The following COL5A2 variants were observed in gnomAD, a reference collection of about 807,000 sequenced individuals.
COL5A2 encodes collagen alpha-2(V) chain.
Under a neutral mutation model 208.2 loss-of-function variants are expected in COL5A2, and 23 were observed. That is an observed-to-expected ratio of 0.11 (90% CI 0.08 to 0.16). The LOEUF is 0.16. Among genes scored for constraint, COL5A2 ranks in the 10% least tolerant of loss-of-function variants. The probability of loss-of-function intolerance (pLI) is 1.00; values close to 1 mark genes in which losing one functional copy is unlikely to be tolerated. For missense variants in COL5A2, 1,590 were observed against 1,956.4 expected (o/e 0.81, Z 3.53); for synonymous variants, 625 against 628.5 (o/e 0.99, Z 0.08).
At chr2:189,036,175 GGCAAAACTGAGTC>G in intron 52 of COL5A2, among the ~76,000 whole-genome samples, 1 of 151,966 alleles carries the variant, frequency 6.6e-6, no homozygotes, top group African/African-American at 2.4e-5. Flanking sequence ...ACTTTAAACT[GGCAAAACTGAGTC>G]TCCAAAAAGT....
chr2:189,386,054 C>G, the COL5A2 span, among the ~76,000 whole-genome samples: 1 of 152,058 alleles, frequency 6.6e-6, no homozygotes. Context: ...ATAAAATAAT[C>G]AGATCCCATG....
chr2:189,068,949 A>G, intron 18 of COL5A2, 65 bp from the exon 19 acceptor site: 1 of 1,155,372 alleles, frequency 8.7e-7, no homozygotes, highest in South Asian at 1.3e-5. Context: ...TACAAAGTTG[A>G]CCGCTTATTT....
At chr2:189,327,032 C>T in the COL5A2 span, among the ~76,000 whole-genome samples, 1 of 150,026 alleles carries the variant, frequency 6.7e-6, no homozygotes, top group Admixed American at 6.6e-5. Context: ...GATCATGCCA[C>T]TGCACTCCAG....
chr2:189,127,194 G>C (rs922006853), intron 1 of COL5A2, among the ~76,000 whole-genome samples: 1 of 151,702 alleles, frequency 6.6e-6, no homozygotes, highest in Non-Finnish European at 1.5e-5. Flanking sequence ...AAAGAGAAGA[G>C]ACAAAAAAAA....
the COL5A2 span, among the ~76,000 whole-genome samples, chr2:189,400,285 TTTC>T: frequency 2.0e-5 from 3 of 152,222 alleles, no homozygotes; most frequent in African/African-American, 7.2e-5. Flanking sequence ...CGCTATTCTC[TTTC>T]TTCTTCTGGA....
chr2:189,234,195 A>C, the COL5A2 span, among the ~76,000 whole-genome samples: 1 of 151,768 alleles, frequency 6.6e-6, no homozygotes, highest in Non-Finnish European at 1.5e-5. Flanking sequence ...CCTCCTAAGT[A>C]AATTGCAAAC....
intron 1 of COL5A2, among the ~76,000 whole-genome samples, chr2:189,112,760 G>A (rs1034906192): frequency 1.1e-4 from 17 of 152,098 alleles, no homozygotes; most frequent in Non-Finnish European, 1.9e-4. Context: ...TAGAAATTAT[G>A]TTTTAATATG....
the COL5A2 span, among the ~76,000 whole-genome samples, chr2:189,347,973 A>C: frequency 6.6e-6 from 1 of 152,290 alleles, no homozygotes; most frequent in East Asian, 1.9e-4. Context: ...TTCAGTGAAA[A>C]GAAGGATTAA....
At chr2:189,261,150 T>TA in the COL5A2 span, among the ~76,000 whole-genome samples, 6 of 152,148 alleles carry the variant, frequency 3.9e-5, no homozygotes, top group Non-Finnish European at 7.4e-5. Flanking sequence ...ACAATCAATA[T>TA]AATCATGCGG....
chr2:189,037,422 T>C (rs765272796), intron 51 of COL5A2, among the ~76,000 whole-genome samples: 33 of 152,214 alleles, frequency 2.2e-4, no homozygotes, highest in Non-Finnish European at 3.8e-4. Context: ...GTGTATATTA[T>C]ATAAATAGTA....
At chr2:189,107,665 A>AT (rs1356542200) in intron 2 of COL5A2, among the ~76,000 whole-genome samples, 1 of 151,420 alleles carries the variant, frequency 6.6e-6, no homozygotes, top group African/African-American at 2.4e-5. Flanking sequence ...TAGAACTATG[A>AT]TTTTTTGTTA....
chr2:189,190,248 C>A (rs1446234268), intron 1 of COL5A2, among the ~76,000 whole-genome samples: 2 of 152,130 alleles, frequency 1.3e-5, no homozygotes, highest in African/African-American at 4.8e-5. Flanking sequence ...ACCTGGATTT[C>A]ATTTTGTTGT....
chr2:189,349,648 G>A, the COL5A2 span, among the ~76,000 whole-genome samples: 5 of 152,112 alleles, frequency 3.3e-5, no homozygotes, highest in African/African-American at 1.2e-4. Flanking sequence ...TTTAGGTTAT[G>A]TTGTTTATGT....
Position 189,050,679 on chromosome 2 carries a change from A to C in COL5A2, c.2932-3T>G. 1 of 1,550,470 alleles carries C rather than the reference A, an allele frequency of 6.4e-7. No individual in the cohort carries two copies. The highest frequency in any genetic ancestry group is 8.7e-7 in the Non-Finnish European group (1 of 1,146,058). ...GGACCAGGGGGGCCATCTGGACCCTAATGTTGAGGACAAACTAAAATCAGA... is the reference window on the plus strand; with the variant it reads ...GGACCAGGGGGGCCATCTGGACCCTCATGTTGAGGACAAACTAAAATCAGA... On this transcript the variant is annotated splice_polypyrimidine_tract_variant and splice_region_variant and intron_variant, in intron 42 of 53. Transcript: ENST00000374866.
Position 189,068,775 on chromosome 2 carries a change from T to A in COL5A2, c.1257+11A>T. 6 of 1,595,352 alleles carry A rather than the reference T, an allele frequency of 3.8e-6. No individual in the cohort carries two copies. The highest frequency in any genetic ancestry group is 5.2e-6 in the Non-Finnish European group (6 of 1,163,236). On this transcript the variant is annotated intron_variant, in intron 19 of 53. Transcript: ENST00000374866. ...TTTCTGGGCTGGTTCTTAAATATGC[T>A]AGAAACTTACAGGAAGACCTGGAGA...
chr2:189,032,967 C>T lies in COL5A2; in HGVS notation c.*1103G>A, dbSNP rs185683558. ...ACAGAAGCATAGCACCTTTCAGTAT[C>T]TAAAATATAAACAAGAATAGTAAGT... is the stretch of plus-strand genomic sequence containing the variant. On this transcript the variant is annotated 3_prime_UTR_variant, in exon 54 of 54. Coordinates refer to ENST00000374866, the MANE Select transcript of COL5A2 (RefSeq NM_000393.5). 6.5e-5 allele frequency: 10 copies of T among 152,696 alleles called. No homozygotes were observed. Among genetic ancestry groups the T allele is most frequent in the Non-Finnish European group, 1.3e-4 (9 of 68,004 alleles). 9.5% of individuals were successfully genotyped at this position (152,696 alleles called of 1,614,324 possible).
Position 189,097,372 on chromosome 2 carries a change from T to C in COL5A2, c.403-42A>G, listed in dbSNP as rs73051214. On this transcript the variant is annotated intron_variant, in intron 5 of 53. Coordinates refer to ENST00000374866, the MANE Select transcript of COL5A2 (RefSeq NM_000393.5). The stretch of plus-strand genomic sequence containing the variant: ...TGATTATGCATGCAAAAATGTATAC[T>C]TTCTTATTGAATTTTTAAAAGTCTA... 52,498 of 1,597,422 alleles carry C rather than the reference T, an allele frequency of 0.033. 1,164 individuals carry two copies. Among genetic ancestry groups the C allele is most frequent in the East Asian group, 0.086 (3,872 of 44,764 alleles).
chr2:189,213,039 T>C (rs1416833179), intron 1 of COL5A2, among the ~76,000 whole-genome samples: 2 of 151,754 alleles, frequency 1.3e-5, no homozygotes, highest in Admixed American at 6.6e-5. Context: ...CAGGCGCATG[T>C]CACCATGACT....
At chr2:189,204,157 A>G (rs1005990802) in intron 1 of COL5A2, among the ~76,000 whole-genome samples, 1 of 152,160 alleles carries the variant, frequency 6.6e-6, no homozygotes, top group African/African-American at 2.4e-5. Flanking sequence ...TCGGCCTCCC[A>G]AAGTGCTGGG....
Sources: gnomAD v4.1 joint callset for allele counts (sites outside exome capture counted in the v4.1 genomes callset) on GRCh38, gnomAD v4.1.1 for gene constraint, MANE v1.5 for transcripts, NCBI Gene and HGNC (gene_info 2026-07-23, HGNC 2026-07-21) for gene names.